Variants in TMX1 observed in about 807,000 individuals in gnomAD.
TMX1 encodes the protein thioredoxin related transmembrane protein 1, also known as thioredoxin-related transmembrane protein 1.
TMX1 carries 25 observed loss-of-function variants against 36.6 expected under a neutral mutation model. The ratio of observed to expected loss-of-function variants is 0.68; its 90% CI spans 0.50 to 0.95. The LOEUF (loss-of-function observed/expected upper bound fraction) is 0.95, where lower values mean the gene tolerates loss of function less well. TMX1 is among the 40% of genes least tolerant of loss of function. The pLI is 0.00. For synonymous variants in TMX1, 133 were observed against 118.0 expected, an observed-to-expected ratio of 1.13 and a Z score of -0.82; for missense variants, 347 against 339.6, an observed-to-expected ratio of 1.02 and a Z score of -0.17.
intron 7 of TMX1, chr14:51,254,117 G>T: frequency 2.9e-6 from 1 of 345,414 alleles, no homozygotes. Context: ...AAATAGGTGG[G>T]TAATTAGAAT....
intron 1 of TMX1, among the ~76,000 whole-genome samples, chr14:51,243,384 C>A (rs917046240): frequency 6.6e-6 from 1 of 152,214 alleles, no homozygotes; most frequent in East Asian, 1.9e-4. Context: ...GTGCCAGCAT[C>A]CTTAGTGGCA....
intron 1 of TMX1, among the ~76,000 whole-genome samples, chr14:51,242,909 T>C (rs1373216560): frequency 6.6e-6 from 1 of 152,228 alleles, no homozygotes; most frequent in East Asian, 1.9e-4. Flanking sequence ...AGTTTTGTCA[T>C]GGAGATATTT....
At chr14:51,250,711 T>C (rs551770721) in intron 7 of TMX1, among the ~76,000 whole-genome samples, 27 of 152,316 alleles carry the variant, frequency 1.8e-4, no homozygotes, top group Non-Finnish European at 1.9e-4. Context: ...CAGGATGGTC[T>C]CGATCTCCTG....
chr14:51,250,788 G>A (rs61984159), intron 7 of TMX1, among the ~76,000 whole-genome samples: 20,531 of 152,240 alleles, frequency 0.13, 1,872 homozygotes, highest in Non-Finnish European at 0.2. Context: ...ACTGCGCCCA[G>A]CCATGATGTC....
chr14:51,245,504 T>G lies in TMX1; in HGVS notation c.314+146T>G, dbSNP rs1414303980. ...ATTTTAGAGGGCTTGTTTTGCTTAG[T>G]GTTATCCTAGGTGCCTTTAGGTAGT... On this transcript the variant is annotated intron_variant, in intron 3 of 7. Coordinates refer to ENST00000457354, the MANE Select transcript of TMX1 (RefSeq NM_030755.5). 2.0e-6 allele frequency: 3 copies of G among 1,532,450 alleles called. No homozygotes were observed. In the South Asian group the frequency reaches 3.6e-5, roughly 18 times the overall value. The allele number at this position is 1,532,450 out of a possible 1,614,324, so 94.9% of individuals were successfully genotyped here.
chr14:51,245,289 C>A (rs759499998), intron 2 of TMX1, 24 bp from the exon 3 acceptor site: 17 of 1,612,878 alleles, frequency 1.1e-5, no homozygotes, highest in Admixed American at 1.7e-5. Context: ...TATGTAAAAC[C>A]TGCTGTGTGT....
In TMX1 at chr14:51,249,501, T is replaced by A. The variant is rs1340201469; in HGVS notation, c.523T>A (p.Leu175Met). The A allele has an allele frequency of 6.2e-7, 1 of 1,613,706 alleles. No homozygotes were observed. Among genetic ancestry groups the A allele is most frequent in the Admixed American group, 1.7e-5 (1 of 59,988 alleles). The change falls in exon 6 of 8, where the codon TTG becomes ATG. Residue 175 changes from leucine to methionine, a missense_variant. Coordinates refer to ENST00000457354, the MANE Select transcript of TMX1 (RefSeq NM_030755.5). The part of the protein sequence containing the change: ...CHNYFIEDLG[L>M]PVWGSYTVFA... The stretch of plus-strand genomic sequence containing the variant: ...TAACTACTTTATTGAAGACCTTGGA[T>A]TGCCAGTGTGGGGATCATATACTGT...
At chr14:51,249,819 T>A in intron 7 of TMX1, 54 bp downstream of exon 7, 1 of 1,354,074 alleles carries the variant, frequency 7.4e-7, no homozygotes, top group Non-Finnish European at 1.0e-6. Flanking sequence ...TATTCATTTC[T>A]GTAATCACAA....
chr14:51,250,782 C>T (rs550893614), intron 7 of TMX1, among the ~76,000 whole-genome samples: 13 of 152,316 alleles, frequency 8.5e-5, no homozygotes, highest in Admixed American at 2.6e-4. Context: ...TGAGCCACTG[C>T]GCCCAGCCAT....
Position 51,249,642 on chromosome 14 carries a change from G to T in TMX1, c.592-51G>T, listed in dbSNP as rs758155831. The T allele has an allele frequency of 7.5e-6, 12 of 1,591,690 alleles. No homozygotes were observed. The East Asian group carries it at 2.2e-4, about 30-fold the overall frequency. ...GTGATTATTTAAAATAGTTACATTA[G>T]CTGTGGCATATATTCTACATTCAGA... is the stretch of plus-strand genomic sequence containing the variant. On this transcript the variant is annotated intron_variant, in intron 6 of 7. Transcript: ENST00000457354.
At chr14:51,248,929 T>C (rs2065798710) in intron 4 of TMX1, among the ~76,000 whole-genome samples, 1 of 152,208 alleles carries the variant, frequency 6.6e-6, no homozygotes, top group African/African-American at 2.4e-5. Flanking sequence ...TTGTTTCCAG[T>C]CCTTACTTTA....
intron 1 of TMX1, among the ~76,000 whole-genome samples, chr14:51,242,706 G>A (rs1367943249): frequency 6.6e-6 from 1 of 152,156 alleles, no homozygotes; most frequent in East Asian, 1.9e-4. Context: ...GAGCCCGGGA[G>A]GTTGAGGTTG....
intron 4 of TMX1, among the ~76,000 whole-genome samples, chr14:51,247,654 G>C (rs929489212): frequency 6.6e-6 from 1 of 152,156 alleles, no homozygotes; most frequent in African/African-American, 2.4e-5. Flanking sequence ...ACTATGCACG[G>C]CCTACATGTT....
intron 7 of TMX1, among the ~76,000 whole-genome samples, chr14:51,252,559 A>T (rs1456473636): frequency 6.6e-6 from 1 of 152,164 alleles, no homozygotes; most frequent in East Asian, 1.9e-4. Context: ...ACATTATCCT[A>T]GTAACATATA....
intron 4 of TMX1, among the ~76,000 whole-genome samples, chr14:51,247,914 TTG>T (rs2065794232): frequency 6.6e-6 from 1 of 152,188 alleles, no homozygotes; most frequent in African/African-American, 2.4e-5. Context: ...AGACTTCAAT[TTG>T]TCTTTTAATG....
In TMX1 at chr14:51,242,737, A is replaced by G. The variant is rs367912467; in HGVS notation, c.153-1119A>G. On this transcript the variant is annotated intron_variant, in intron 1 of 7. Coordinates refer to ENST00000457354, the MANE Select transcript of TMX1 (RefSeq NM_030755.5). ...GGTTGCAGTGAGCCCAGATGGCGCC[A>G]CTGCCCTCCAGCCTGGGTAACAAAG... Among the ~76,000 whole-genome samples, 485 of 152,288 alleles carry G rather than the reference A, an allele frequency of 3.2e-3. 2 individuals are homozygous for G. The highest frequency in any genetic ancestry group is 0.011 in the African/African-American group (462 of 41,558).
chr14:51,244,623 C>T (rs373187908), intron 2 of TMX1, among the ~76,000 whole-genome samples: 243 of 152,150 alleles, frequency 1.6e-3, no homozygotes, highest in African/African-American at 5.5e-3. Flanking sequence ...TTACCGTTCT[C>T]GGTAGTCACA....
At chr14:51,250,143 A>C (rs113801633) in intron 7 of TMX1, among the ~76,000 whole-genome samples, 380 of 152,290 alleles carry the variant, frequency 2.5e-3, no homozygotes, top group Non-Finnish European at 3.7e-3. Flanking sequence ...AGCCAACTGT[A>C]AGTTTTTTCT....
At chr14:51,246,545 G>A (rs2065786689) in intron 3 of TMX1, among the ~76,000 whole-genome samples, 1 of 152,182 alleles carries the variant, frequency 6.6e-6, no homozygotes, top group Non-Finnish European at 1.5e-5. Context: ...TTGGGAATGG[G>A]AAGGAGGAGG....
Sources: allele counts gnomAD v4.1 joint callset (sites outside exome capture counted in the v4.1 genomes callset), GRCh38; gene constraint gnomAD v4.1.1; transcripts MANE v1.5; gene names NCBI Gene and HGNC (gene_info 2026-07-23, HGNC 2026-07-21).